STRN: variants seen among roughly 807,000 people sequenced by gnomAD.
STRN encodes protein phosphatase 2 regulatory subunit B'''alpha.
STRN carries 53 observed loss-of-function variants against 96.3 expected under a neutral mutation model. The ratio of observed to expected loss-of-function variants is 0.55; its 90% CI spans 0.44 to 0.69. STRN has a LOEUF of 0.69. Ranked by LOEUF, STRN falls within the 30% of genes least tolerant of loss-of-function variation. STRN has a pLI of 0.00. For missense variants in STRN, 987 were observed against 963.9 expected, an observed-to-expected ratio of 1.02 and a Z score of -0.32; for synonymous variants, 428 against 355.9, an observed-to-expected ratio of 1.20 and a Z score of -2.28.
At position 36,843,615 on chromosome 2, in the gene STRN, G is replaced by A. The variant is rs1047743269; in HGVS notation, c.*5841C>T. Reference sequence around the variant, plus strand: ...TTCCTCACAATCAGTAATTAAGACTGGTTCATTAATTTTGGACTCATGTAT... The same window carrying A: ...TTCCTCACAATCAGTAATTAAGACTAGTTCATTAATTTTGGACTCATGTAT... On this transcript the variant is annotated 3_prime_UTR_variant, in exon 18 of 18. Transcript: ENST00000263918. 6.6e-6 allele frequency: 1 copy of A among 151,862 alleles called. No individual in the cohort carries two copies. The highest frequency in any genetic ancestry group is 1.5e-5 in the Non-Finnish European group (1 of 67,966). 9.4% of individuals were successfully genotyped at this position (151,862 alleles called of 1,614,324 possible).
chr2:36,919,995 TA>T (rs1670208843), intron 2 of STRN, among the ~76,000 whole-genome samples: 1 of 152,178 alleles, frequency 6.6e-6, no homozygotes, highest in Non-Finnish European at 1.5e-5. Flanking sequence ...TTTTGGATCC[TA>T]AAGTGGGACT....
At chr2:36,884,758 A>G (rs145178907) in intron 8 of STRN, among the ~76,000 whole-genome samples, 30 of 152,234 alleles carry the variant, frequency 2.0e-4, no homozygotes, top group African/African-American at 6.0e-4. Context: ...ACAGGATTTG[A>G]CTGGAAATAT....
At chr2:36,941,624 A>G (rs1325626010) in intron 1 of STRN, among the ~76,000 whole-genome samples, 3 of 151,090 alleles carry the variant, frequency 2.0e-5, no homozygotes, top group Non-Finnish European at 4.4e-5. Flanking sequence ...ATCTCGGCTC[A>G]CTGCAACTTC....
chr2:36,872,418 T>C (rs1177727920), intron 10 of STRN, among the ~76,000 whole-genome samples: 1 of 152,230 alleles, frequency 6.6e-6, no homozygotes, highest in Non-Finnish European at 1.5e-5. Flanking sequence ...CTTCAGGTGA[T>C]ACTGCAGCTC....
At chr2:36,933,724 CCT>C (rs1670632114) in intron 1 of STRN, among the ~76,000 whole-genome samples, 1 of 152,148 alleles carries the variant, frequency 6.6e-6, no homozygotes, top group Non-Finnish European at 1.5e-5. Flanking sequence ...CCTGCTTCAG[CCT>C]CTCGAGGAGC....
At chr2:36,908,643 T>C (rs1255221805) in intron 3 of STRN, among the ~76,000 whole-genome samples, 3 of 152,124 alleles carry the variant, frequency 2.0e-5, no homozygotes, top group African/African-American at 7.2e-5. Flanking sequence ...AAAAGTGTAT[T>C]CTTACACTGA....
At chr2:36,960,603 A>C (rs1195255136) in intron 1 of STRN, among the ~76,000 whole-genome samples, 2 of 152,170 alleles carry the variant, frequency 1.3e-5, no homozygotes, top group Admixed American at 1.3e-4. Flanking sequence ...AATTCTCACA[A>C]GGTAATTTAT....
At chr2:36,872,439 C>T (rs1295664941) in intron 10 of STRN, among the ~76,000 whole-genome samples, 1 of 152,208 alleles carries the variant, frequency 6.6e-6, no homozygotes, top group Non-Finnish European at 1.5e-5. Context: ...TGGCCAACAT[C>T]TTGATTGCAA....
rs1450380491 is a variant in STRN, at chr2:36,849,703, G to C, written c.2173+11C>G. On this transcript the variant is annotated intron_variant, in intron 17 of 17. Transcript: ENST00000263918. Reference sequence around the variant, plus strand: ...AAGGACAAATAAATAATCCATAGTTGAGGTACTTACTGCCAGACATCAAGT... The same window carrying C: ...AAGGACAAATAAATAATCCATAGTTCAGGTACTTACTGCCAGACATCAAGT... The C allele has an allele frequency of 6.2e-7, 1 of 1,613,786 alleles. No individual in the cohort carries two copies. Among genetic ancestry groups the C allele is most frequent in the Non-Finnish European group, 8.5e-7 (1 of 1,179,872 alleles).
At chr2:36,869,837 G>C (rs1353863319) in intron 10 of STRN, 108 bp from the exon 11 acceptor site, 5 of 870,818 alleles carry the variant, frequency 5.7e-6, no homozygotes, top group South Asian at 8.1e-5. Flanking sequence ...CGATCACTTT[G>C]CAATTTTTAA....
At chr2:36,900,851 C>T (rs908027259) in intron 5 of STRN, among the ~76,000 whole-genome samples, 8 of 151,996 alleles carry the variant, frequency 5.3e-5, no homozygotes, top group Non-Finnish European at 1.2e-4. Flanking sequence ...TGAGATCGTG[C>T]CACTGCACTC....
intron 1 of STRN, 23 bp downstream of exon 1, chr2:36,966,207 G>A: frequency 1.3e-6 from 2 of 1,530,026 alleles, no homozygotes; most frequent in Non-Finnish European, 8.8e-7. Context: ...GGATGAAGAC[G>A]GCCAGGCCGG....
intron 2 of STRN, among the ~76,000 whole-genome samples, chr2:36,921,418 TC>T (rs1345897302): frequency 6.6e-6 from 1 of 152,200 alleles, no homozygotes; most frequent in African/African-American, 2.4e-5. Context: ...CTCTCTTGTT[TC>T]CCCAATACTT....
intron 1 of STRN, among the ~76,000 whole-genome samples, chr2:36,934,945 G>T (rs1265778140): frequency 6.6e-6 from 1 of 152,172 alleles, no homozygotes; most frequent in Admixed American, 6.5e-5. Flanking sequence ...CGGTGTGGTG[G>T]CTCAAAACTG....
chr2:36,901,801 G>A (rs985387044), intron 5 of STRN, among the ~76,000 whole-genome samples: 1 of 152,144 alleles, frequency 6.6e-6, no homozygotes. Context: ...AAGTCCTACA[G>A]TGAACCTTTA....
Position 36,849,716 on chromosome 2 carries a change from C to T in STRN, c.2171G>A (p.Gly724Asp). The T allele has an allele frequency of 6.2e-7, 1 of 1,613,828 alleles. No homozygotes were observed. Among genetic ancestry groups the T allele is most frequent in the Non-Finnish European group, 8.5e-7 (1 of 1,179,888 alleles). ...TAATCCATAGTTGAGGTACTTACTG[C>T]CAGACATCAAGTAAAGGCCATTGGG... ...VDPNGLYLMS[G>D]SHDCSIRLWN... The change falls in exon 17 of 18, where the codon GGC becomes GAC. Residue 724 changes from glycine (G) to aspartate (D), a missense_variant and splice_region_variant. By Grantham distance (94) the Gly-to-Asp change is moderately conservative. Transcript: ENST00000263918.
At chr2:36,915,871 G>A (rs982770690) in intron 3 of STRN, among the ~76,000 whole-genome samples, 1 of 152,124 alleles carries the variant, frequency 6.6e-6, no homozygotes, top group Non-Finnish European at 1.5e-5. Context: ...AGAAAATGGG[G>A]AACTAAAAGA....
At chr2:36,895,346 T>C (rs185894641) in intron 6 of STRN, among the ~76,000 whole-genome samples, 1 of 151,610 alleles carries the variant, frequency 6.6e-6, no homozygotes, top group African/African-American at 2.4e-5. Flanking sequence ...AAAACACAAT[T>C]GGATAGGAGA....
rs1667905421 is a variant in STRN, at chr2:36,839,756, GTA to G, written c.*9698_*9699del. 2.0e-5 allele frequency among the ~76,000 whole-genome samples: 3 copies of G among 152,100 alleles called. No homozygotes were observed. Among genetic ancestry groups the G allele is most frequent in the South Asian group, 4.2e-4 (2 of 4,818 alleles). Reference sequence around the variant, plus strand: ...TAATTTTAATGACAGTTCTTACATGGTATATGTTTAATGTTGAGATTATTCGT... The same window carrying G: ...TAATTTTAATGACAGTTCTTACATGGTATGTTTAATGTTGAGATTATTCGT... On this transcript the variant is annotated 3_prime_UTR_variant, in exon 18 of 18. Coordinates refer to ENST00000263918, the MANE Select transcript of STRN (RefSeq NM_003162.4).
Sources: gnomAD v4.1 joint callset for allele counts (sites outside exome capture counted in the v4.1 genomes callset) on GRCh38, gnomAD v4.1.1 for gene constraint, MANE v1.5 for transcripts, NCBI Gene and HGNC (gene_info 2026-07-23, HGNC 2026-07-21) for gene names.